The following FBXW7 variants were observed in gnomAD, a reference collection of about 807,000 sequenced individuals.
FBXW7 encodes F-box and WD repeat domain containing 7, also known as F-box/WD repeat-containing protein 7.
Under a neutral mutation model 86.3 loss-of-function variants are expected in FBXW7, and 11 were observed. The observed-to-expected ratio is 0.13, with a 90% CI of 0.08 to 0.21. FBXW7 has a LOEUF of 0.21. Ranked by LOEUF, FBXW7 falls within the 10% of genes least tolerant of loss-of-function variation. The pLI, the probability that FBXW7 is intolerant of heterozygous loss-of-function variation, is 1.00. For missense variants in FBXW7, 488 were observed against 847.4 expected (o/e 0.58, Z 5.27); for synonymous variants, 313 against 297.9 (o/e 1.05, Z -0.52).
intron 2 of FBXW7, among the ~76,000 whole-genome samples, chr4:152,487,735 T>C (rs373761657): frequency 6.6e-6 from 1 of 152,216 alleles, no homozygotes; most frequent in East Asian, 1.9e-4. Context: ...ATAAGCATCT[T>C]ATATTCTTCC....
At chr4:152,447,308 G>A (rs1296583119) in intron 2 of FBXW7, among the ~76,000 whole-genome samples, 1 of 152,116 alleles carries the variant, frequency 6.6e-6, no homozygotes, top group East Asian at 1.9e-4. Context: ...ACAGAAACAG[G>A]GAATGATAAA....
chr4:152,346,913 A>G lies in FBXW7; in HGVS notation c.726+17T>C, dbSNP rs761830780. The stretch of plus-strand genomic sequence containing the variant: ...AATTAAGTGAGGCATTTCAAGTACT[A>G]TGTTTAGATATGTCACCTGAAACAT... On this transcript the variant is annotated intron_variant, in intron 6 of 13. Coordinates refer to ENST00000281708, the MANE Select transcript of FBXW7 (RefSeq NM_001349798.2). The G allele has an allele frequency of 1.9e-6, 3 of 1,610,596 alleles. No homozygotes were observed. Among genetic ancestry groups the G allele is most frequent in the Non-Finnish European group, 1.7e-6 (2 of 1,178,786 alleles).
At chr4:152,460,807 G>A (rs1742868904) in intron 2 of FBXW7, among the ~76,000 whole-genome samples, 1 of 152,136 alleles carries the variant, frequency 6.6e-6, no homozygotes, top group Non-Finnish European at 1.5e-5. Context: ...TTCCACCAAA[G>A]TTGTGGGGGT....
intron 7 of FBXW7, among the ~76,000 whole-genome samples, chr4:152,335,023 T>C (rs1314454220): frequency 1.3e-5 from 2 of 152,174 alleles, no homozygotes; most frequent in African/African-American, 4.8e-5. Flanking sequence ...TGAATTAAAC[T>C]GCCAAGCCAA....
At chr4:152,349,870 G>GGAAT (rs1286037177) in intron 5 of FBXW7, among the ~76,000 whole-genome samples, 172 bp downstream of exon 5, 1 of 151,662 alleles carries the variant, frequency 6.6e-6, no homozygotes, top group African/African-American at 2.4e-5. Flanking sequence ...AAACTAAGGT[G>GGAAT]GCATTCCTCT....
intron 6 of FBXW7, among the ~76,000 whole-genome samples, chr4:152,345,919 C>G (rs898771140): frequency 1.3e-5 from 2 of 152,046 alleles, no homozygotes; most frequent in Non-Finnish European, 2.9e-5. Context: ...GATTAAATAC[C>G]TAACCATTCA....
intron 2 of FBXW7, among the ~76,000 whole-genome samples, chr4:152,464,833 G>A (rs535921249): frequency 2.0e-5 from 3 of 151,986 alleles, no homozygotes; most frequent in Non-Finnish European, 4.4e-5. Flanking sequence ...ATTGAAAAAA[G>A]CTTTTAAGAA....
chr4:152,497,629 C>G (rs1746491636), intron 2 of FBXW7, among the ~76,000 whole-genome samples: 1 of 151,776 alleles, frequency 6.6e-6, no homozygotes, highest in South Asian at 2.1e-4. Flanking sequence ...AAAATCATAG[C>G]TAGATAAAAT....
At chr4:152,344,277 A>G (rs1248020936) in intron 6 of FBXW7, among the ~76,000 whole-genome samples, 3 of 152,208 alleles carry the variant, frequency 2.0e-5, no homozygotes, top group African/African-American at 4.8e-5. Flanking sequence ...GTGTACAACA[A>G]TGAGGCCTTG....
At chr4:152,424,679 TG>T (rs998927630) in intron 2 of FBXW7, among the ~76,000 whole-genome samples, 3 of 152,220 alleles carry the variant, frequency 2.0e-5, no homozygotes, top group Non-Finnish European at 4.4e-5. Flanking sequence ...ACTAGCAACA[TG>T]TTAAGGAATT....
intron 5 of FBXW7, among the ~76,000 whole-genome samples, chr4:152,349,001 A>G (rs1731541606): frequency 6.6e-6 from 1 of 152,060 alleles, no homozygotes; most frequent in Non-Finnish European, 1.5e-5. Context: ...CACTTTTTGA[A>G]TGTAAGACTA....
intron 2 of FBXW7, among the ~76,000 whole-genome samples, chr4:152,422,491 A>G (rs531474936): frequency 1.3e-5 from 2 of 152,268 alleles, no homozygotes; most frequent in South Asian, 2.1e-4. Flanking sequence ...CACTATGACA[A>G]TTTAGAATGA....
At chr4:152,525,406 C>A (rs1392739037) in intron 2 of FBXW7, among the ~76,000 whole-genome samples, 1 of 152,172 alleles carries the variant, frequency 6.6e-6, no homozygotes, top group African/African-American at 2.4e-5. Context: ...ATTTCAACAA[C>A]CAGGTATTAA....
chr4:152,430,671 T>G (rs564349634), intron 2 of FBXW7, among the ~76,000 whole-genome samples: 3 of 152,246 alleles, frequency 2.0e-5, no homozygotes, highest in Non-Finnish European at 4.4e-5. Flanking sequence ...AGGTTTGGCT[T>G]TTTCAGTCAC....
intron 2 of FBXW7, among the ~76,000 whole-genome samples, chr4:152,446,067 C>T (rs1452580756): frequency 4.6e-5 from 7 of 151,998 alleles, no homozygotes; most frequent in Non-Finnish European, 1.0e-4. Context: ...AGGAAGAAAG[C>T]ACCAATAACA....
intron 2 of FBXW7, among the ~76,000 whole-genome samples, chr4:152,527,901 C>CATAT (rs58496613): frequency 8.0e-5 from 12 of 149,188 alleles, no homozygotes; most frequent in African/African-American, 2.5e-4. Flanking sequence ...CACACACACA[C>CATAT]ATATATATAC....
At chr4:152,433,838 T>A (rs1014038500) in intron 2 of FBXW7, among the ~76,000 whole-genome samples, 1 of 152,064 alleles carries the variant, frequency 6.6e-6, no homozygotes, top group Non-Finnish European at 1.5e-5. Context: ...GAAAAAAAAA[T>A]GATTGACTAT....
intron 6 of FBXW7, among the ~76,000 whole-genome samples, chr4:152,339,922 CAAAAAAAAAAAA>C (rs1227838925): frequency 1.5e-5 from 1 of 66,354 alleles, no homozygotes; most frequent in South Asian, 5.4e-4. Flanking sequence ...GGCTTTGTCT[CAAAAAAAAAAAA>C]AAAAAAAAAG....
intron 4 of FBXW7, chr4:152,382,561 C>G (rs1735189956): frequency 9.8e-7 from 1 of 1,022,256 alleles, no homozygotes. Context: ...GAATTATAAA[C>G]TACTGAAGTG....
Sources: allele counts gnomAD v4.1 joint callset (sites outside exome capture counted in the v4.1 genomes callset), GRCh38; gene constraint gnomAD v4.1.1; transcripts MANE v1.5; gene names NCBI Gene and HGNC (gene_info 2026-07-23, HGNC 2026-07-21).